MACIR: variants seen among roughly 807,000 people sequenced by gnomAD.
MACIR encodes macrophage immunometabolism regulator, also known as UNC119-binding protein C5orf30.
A neutral mutation model predicts 14.3 loss-of-function variants in MACIR; 4 were observed. The ratio of observed to expected loss-of-function variants is 0.28; its 90% confidence interval spans 0.14 to 0.64. The LOEUF (loss-of-function observed/expected upper bound fraction) is 0.64, where lower values mean the gene tolerates loss of function less well. Ranked by LOEUF, MACIR falls within the 30% of genes least tolerant of loss-of-function variation. MACIR has a pLI of 0.83. For missense variants in MACIR, 228 were observed against 257.6 expected, an observed-to-expected ratio of 0.89 and a Z score of 0.79; for synonymous variants, 101 against 102.4, an observed-to-expected ratio of 0.99 and a Z score of 0.08.
chr5:103,260,392 T>C (rs941572390), intron 1 of MACIR, among the ~76,000 whole-genome samples: 1 of 152,168 alleles, frequency 6.6e-6, no homozygotes, highest in Non-Finnish European at 1.5e-5. Flanking sequence ...GCAGAAGCTT[T>C]TGGCCGCGAT....
intron 2 of MACIR, among the ~76,000 whole-genome samples, chr5:103,273,533 G>A (rs1383935741): frequency 2.6e-5 from 4 of 152,078 alleles, no homozygotes; most frequent in East Asian, 1.9e-4. Flanking sequence ...TCTCTAAACC[G>A]TTGTCTCCTT....
chr5:103,259,549 C>T (rs1249267072), intron 1 of MACIR: 1 of 152,194 alleles, frequency 6.6e-6, no homozygotes, highest in East Asian at 1.9e-4. Context: ...CTGCCCGGGT[C>T]AGATAGCACC....
intron 2 of MACIR, among the ~76,000 whole-genome samples, chr5:103,270,725 G>GC (rs1219395958): frequency 6.6e-6 from 1 of 152,156 alleles, no homozygotes; most frequent in African/African-American, 2.4e-5. Flanking sequence ...GTAGGATGGT[G>GC]CCCCAGGCTT....
intron 1 of MACIR, among the ~76,000 whole-genome samples, chr5:103,264,059 A>T (rs1169733441): frequency 3.3e-5 from 5 of 152,204 alleles, no homozygotes; most frequent in African/African-American, 4.8e-5. Context: ...GCTTTTAGAT[A>T]AAGTGCCTAC....
intron 1 of MACIR, chr5:103,259,410 C>G (rs1562544478): frequency 1.3e-5 from 2 of 152,148 alleles, no homozygotes; most frequent in Non-Finnish European, 1.5e-5. Context: ...GGCGCGCACG[C>G]TCGCTCGCTC....
At chr5:103,264,651 G>C (rs1205344710) in intron 1 of MACIR, among the ~76,000 whole-genome samples, 2 of 152,088 alleles carry the variant, frequency 1.3e-5, no homozygotes, top group African/African-American at 4.8e-5. Flanking sequence ...ACATGAAAGG[G>C]AGTGTTTCTG....
chr5:103,272,440 A>C (rs1469482322), intron 2 of MACIR, among the ~76,000 whole-genome samples: 3 of 151,626 alleles, frequency 2.0e-5, no homozygotes, highest in Non-Finnish European at 4.4e-5. Context: ...GTGTCTAAAG[A>C]GCTTCTGCCC....
rs897896347 is a variant in MACIR at position 103,278,611 on chromosome 5, C to T, written c.*2071C>T. ...TGGTTACCTATGAGACCTGTTCTGT[C>T]CGTGTGCCTACGTTCCTTAATAATA... On this transcript the variant is annotated 3_prime_UTR_variant, in exon 3 of 3. Transcript: ENST00000319933. 2 of 167,042 alleles carry T rather than the reference C, an allele frequency of 1.2e-5. No individual in the cohort carries two copies. Among genetic ancestry groups the T allele is most frequent in the African/African-American group, 4.8e-5 (2 of 41,446 alleles). The allele number at this position is 167,042 out of a possible 1,614,324, so 10.3% of individuals were successfully genotyped here.
Position 103,276,329 on chromosome 5 carries a change from G to A in MACIR, c.410G>A (p.Cys137Tyr), listed in dbSNP as rs781788211. 5.6e-6 allele frequency: 9 copies of A among 1,612,872 alleles called. No individual in the cohort carries two copies. In the African/African-American group the frequency reaches 8.1e-5, roughly 14 times the overall value. The change falls in exon 3 of 3, where the codon TGC (cysteine) becomes TAC (tyrosine). Residue 137 changes from cysteine (C) to tyrosine (Y), a missense_variant. Cys to Tyr is a radical substitution (Grantham distance 194, BLOSUM62 -2). Coordinates refer to ENST00000319933, the MANE Select transcript of MACIR (RefSeq NM_033211.4). ...CGGATGCCAAGCTCAGGAGACAAGT[G>A]CACTAAATCTTTACCTTATGAACCT... is the stretch of plus-strand genomic sequence containing the variant. ...RRRMPSSGDK[C>Y]TKSLPYEPYK...
intron 1 of MACIR, among the ~76,000 whole-genome samples, chr5:103,264,249 G>T (rs1554236564): frequency 6.6e-6 from 1 of 152,124 alleles, no homozygotes; most frequent in Non-Finnish European, 1.5e-5. Flanking sequence ...TGACTCTCAT[G>T]TAGTATCACT....
chr5:103,263,503 G>A (rs548187395), intron 1 of MACIR, among the ~76,000 whole-genome samples: 1 of 152,238 alleles, frequency 6.6e-6, no homozygotes, highest in South Asian at 2.1e-4. Flanking sequence ...AGGCTCCTCT[G>A]CTTTCAAATC....
intron 1 of MACIR, among the ~76,000 whole-genome samples, chr5:103,261,654 C>CTTTCTTTCTTTCTTTCTTTCTTTCTTTCT (rs1804700997): frequency 2.1e-5 from 2 of 95,506 alleles, no homozygotes; most frequent in African/African-American, 4.7e-5. Context: ...TTCTTTCTTT[C>CTTTCTTTCTTTCTTTCTTTCTTTCTTTCT]TTTCTTTCTT....
At chr5:103,274,820 T>C (rs1229000829) in intron 2 of MACIR, among the ~76,000 whole-genome samples, 1 of 152,190 alleles carries the variant, frequency 6.6e-6, no homozygotes, top group Non-Finnish European at 1.5e-5. Flanking sequence ...TCATTTTGAT[T>C]AGCAATCTGA....
rs1398210745 is a variant in MACIR at position 103,263,746 on chromosome 5, A to G, written c.-113-2162A>G. On this transcript the variant is annotated intron_variant, in intron 1 of 2. Coordinates refer to ENST00000319933, the MANE Select transcript of MACIR (RefSeq NM_033211.4). ...TCCTGCTTGTTTTAAATTGACATTTATAAAAGTATAAATGAAATCTATCCC... is the reference window on the plus strand; with the variant it reads ...TCCTGCTTGTTTTAAATTGACATTTGTAAAAGTATAAATGAAATCTATCCC... Among the ~76,000 whole-genome samples, 5 of 152,314 alleles carry G rather than the reference A, an allele frequency of 3.3e-5. No individual in the cohort carries two copies. In the East Asian group the frequency reaches 7.7e-4, roughly 24 times the overall value.
Position 103,276,707 on chromosome 5 carries a change from C to A in MACIR, c.*167C>A. On this transcript the variant is annotated 3_prime_UTR_variant, in exon 3 of 3. Transcript: ENST00000319933. ...TCAAATTTGAATACAGGAATGAAAT[C>A]ACAGGTACTTGGGGGGGGGATATCA... 1 of 561,304 alleles carries A rather than the reference C, an allele frequency of 1.8e-6. No individual in the cohort carries two copies. Among genetic ancestry groups the A allele is most frequent in the Non-Finnish European group, 3.0e-6 (1 of 331,546 alleles). The allele number at this position is 561,304 out of a possible 1,614,324, so 34.8% of individuals were successfully genotyped here.
intron 2 of MACIR, among the ~76,000 whole-genome samples, chr5:103,270,218 A>G (rs1326538965): frequency 1.3e-5 from 2 of 152,222 alleles, no homozygotes; most frequent in East Asian, 1.9e-4. Flanking sequence ...TATAAAAACC[A>G]GAAACATTAT....
intron 1 of MACIR, among the ~76,000 whole-genome samples, chr5:103,263,909 A>G (rs1804828573): frequency 6.6e-6 from 1 of 152,140 alleles, no homozygotes; most frequent in South Asian, 2.1e-4. Context: ...ATAGAAGCTC[A>G]TAGGAGAAAG....
chr5:103,275,571 A>G (rs1805292450), intron 2 of MACIR, among the ~76,000 whole-genome samples: 1 of 152,234 alleles, frequency 6.6e-6, no homozygotes, highest in Non-Finnish European at 1.5e-5. Context: ...TTGATATTGC[A>G]TTAAGGAATA....
chr5:103,277,951 A>T lies in MACIR; in HGVS notation c.*1411A>T, dbSNP rs532808037. On this transcript the variant is annotated 3_prime_UTR_variant, in exon 3 of 3. Transcript: ENST00000319933. ...TAATGAGTGGGTCATTCCTGGTGCA[A>T]TTGTGATTTTTCTTTAGCCAGAATG... 1 of 166,966 alleles carries T rather than the reference A, an allele frequency of 6.0e-6. No homozygotes were observed. The highest frequency in any genetic ancestry group is 2.4e-5 in the African/African-American group (1 of 41,408). The allele number at this position is 166,966 out of a possible 1,614,324, so 10.3% of individuals were successfully genotyped here.
Sources: allele counts gnomAD v4.1 joint callset (sites outside exome capture counted in the v4.1 genomes callset), GRCh38; gene constraint gnomAD v4.1.1; transcripts MANE v1.5; gene names NCBI Gene and HGNC (gene_info 2026-07-23, HGNC 2026-07-21).